Variants in PPP3CC observed in about 807,000 individuals in gnomAD.
PPP3CC encodes the protein protein phosphatase 3 catalytic subunit gamma.
In PPP3CC, 35 loss-of-function variants were observed where a neutral mutation model predicts 60.3. The ratio of observed to expected loss-of-function variants is 0.58; its 90% CI spans 0.44 to 0.77. PPP3CC has a LOEUF of 0.77. Among genes scored for constraint, PPP3CC ranks in the 30% least tolerant of loss-of-function variants. PPP3CC has a pLI of 0.00. For synonymous variants in PPP3CC, 206 were observed against 224.3 expected (o/e 0.92, Z 0.73); for missense variants, 570 against 628.9 (o/e 0.91, Z 1.00).
In PPP3CC at chr8:22,539,454, C is replaced by G; in HGVS notation, c.1322-15C>G. The G allele has an allele frequency of 6.2e-7, 1 of 1,613,886 alleles. No homozygotes were observed. The highest frequency in any genetic ancestry group is 8.5e-7 in the Non-Finnish European group (1 of 1,179,948). On this transcript the variant is annotated splice_polypyrimidine_tract_variant and intron_variant, in intron 12 of 13. Coordinates refer to ENST00000240139, the MANE Select transcript of PPP3CC (RefSeq NM_005605.5). ...GTCTTCGTTTTTGCATGCTACTGCT[C>G]CTGCCCTCTTACAGCCACAGTAGAA...
chr8:22,517,195 T>C lies in PPP3CC; in HGVS notation c.770+3763T>C, dbSNP rs147669610. 3.2e-3 allele frequency among the ~76,000 whole-genome samples: 487 copies of C among 152,382 alleles called. 3 individuals carry two copies. The highest frequency in any genetic ancestry group is 0.011 in the African/African-American group (463 of 41,594). On this transcript the variant is annotated intron_variant, in intron 6 of 13. Coordinates refer to ENST00000240139, the MANE Select transcript of PPP3CC (RefSeq NM_005605.5). ...AGGCTGAACAAAGTGATACTCTGCC[T>C]TCTTTTATCCCAGGGATAAATCCCA...
intron 4 of PPP3CC, among the ~76,000 whole-genome samples, chr8:22,504,307 T>G (rs1838848231): frequency 6.6e-6 from 1 of 152,132 alleles, no homozygotes; most frequent in Admixed American, 6.6e-5. Context: ...TTAAACAAAA[T>G]TTATTTTTTT....
intron 1 of PPP3CC, among the ~76,000 whole-genome samples, chr8:22,469,177 T>C (rs111498096): frequency 1.5e-3 from 221 of 152,276 alleles, no homozygotes; most frequent in Non-Finnish European, 2.6e-3. Flanking sequence ...CAAAATAATG[T>C]CACTTACAGC....
rs1055472853 is a variant in PPP3CC at position 22,441,168 on chromosome 8, C to T, written c.-242C>T. ...GCGGTCGGTGCCGAAGCGGTGTTCC[C>T]CGCCTTAGCCGCTGGCGCCTCCCAA... On this transcript the variant is annotated 5_prime_UTR_variant, in exon 1 of 14. Transcript: ENST00000240139. 1 of 390,416 alleles carries T rather than the reference C, an allele frequency of 2.6e-6. No homozygotes were observed. The highest frequency in any genetic ancestry group is 4.6e-6 in the Non-Finnish European group (1 of 219,712). The allele number at this position is 390,416 out of a possible 1,614,324, so 24.2% of individuals were successfully genotyped here.
chr8:22,485,320 A>G (rs1238337946), intron 3 of PPP3CC, among the ~76,000 whole-genome samples: 1 of 152,202 alleles, frequency 6.6e-6, no homozygotes, highest in Admixed American at 6.5e-5. Flanking sequence ...ACTGAAAGAA[A>G]AAAGAGAGAT....
chr8:22,489,617 A>G (rs1838321358), intron 3 of PPP3CC, among the ~76,000 whole-genome samples: 1 of 142,044 alleles, frequency 7.0e-6, no homozygotes, highest in Admixed American at 7.5e-5. Flanking sequence ...ATAATATATA[A>G]TATATAATAA....
intron 6 of PPP3CC, among the ~76,000 whole-genome samples, chr8:22,515,715 A>T (rs1276736205): frequency 6.6e-6 from 1 of 152,136 alleles, no homozygotes; most frequent in East Asian, 1.9e-4. Context: ...TTCTCTGATG[A>T]TCGGTGATAT....
At chr8:22,488,752 T>C (rs1461267857) in intron 3 of PPP3CC, among the ~76,000 whole-genome samples, 1 of 152,202 alleles carries the variant, frequency 6.6e-6, no homozygotes, top group Non-Finnish European at 1.5e-5. Flanking sequence ...GGCAGGTTCT[T>C]TTGAAGAGGC....
At chr8:22,490,411 A>G (rs1210752676) in intron 3 of PPP3CC, among the ~76,000 whole-genome samples, 2 of 152,054 alleles carry the variant, frequency 1.3e-5, no homozygotes, top group East Asian at 1.9e-4. Flanking sequence ...TTGTAGTGCT[A>G]TTTATACTGT....
intron 4 of PPP3CC, among the ~76,000 whole-genome samples, chr8:22,510,506 C>G (rs1839055599): frequency 6.6e-6 from 1 of 152,248 alleles, no homozygotes; most frequent in Admixed American, 6.5e-5. Context: ...ACCATGGACC[C>G]TAGTTGTCAT....
chr8:22,499,293 G>A (rs867905312), intron 4 of PPP3CC, among the ~76,000 whole-genome samples: 8 of 150,694 alleles, frequency 5.3e-5, no homozygotes, highest in African/African-American at 2.0e-4. Flanking sequence ...CAAAAAATTA[G>A]CCGGGCGCGG....
At chr8:22,492,389 TA>T (rs1472529821) in intron 3 of PPP3CC, among the ~76,000 whole-genome samples, 1 of 152,250 alleles carries the variant, frequency 6.6e-6, no homozygotes, top group East Asian at 1.9e-4. Context: ...AGATGCTTTA[TA>T]AACACTGTAC....
chr8:22,478,854 A>G (rs1837977625), intron 3 of PPP3CC, among the ~76,000 whole-genome samples: 1 of 152,204 alleles, frequency 6.6e-6, no homozygotes, highest in African/African-American at 2.4e-5. Flanking sequence ...CATAGTTAAT[A>G]TTTGTTGAAT....
rs1303219904 is a variant in PPP3CC, at chr8:22,532,634, T to C, written c.1224-287T>C. ...AGTTTCCTTGCCTGTAAAGTAATAATAGGCCCTAGCGCACAGGTTGTTAGG... is the reference window on the plus strand; with the variant it reads ...AGTTTCCTTGCCTGTAAAGTAATAACAGGCCCTAGCGCACAGGTTGTTAGG... On this transcript the variant is annotated intron_variant, in intron 11 of 13. Transcript: ENST00000240139. Among the ~76,000 whole-genome samples, 4 of 152,162 alleles carry C rather than the reference T, an allele frequency of 2.6e-5. No homozygotes were observed. The East Asian group carries it at 5.8e-4, about 22-fold the overall frequency.
intron 6 of PPP3CC, among the ~76,000 whole-genome samples, chr8:22,514,248 C>CAAAAAAAAAAAAA (rs66505760): frequency 1.1e-5 from 1 of 89,492 alleles, no homozygotes; most frequent in Non-Finnish European, 2.2e-5. Context: ...ACTCTGTCTC[C>CAAAAAAAAAAAAA]AAAAAAAAAA....
intron 12 of PPP3CC, among the ~76,000 whole-genome samples, chr8:22,535,988 T>C (rs994832203): frequency 6.6e-6 from 1 of 152,226 alleles, no homozygotes; most frequent in African/African-American, 2.4e-5. Flanking sequence ...CGCCTCAGCC[T>C]CCCAAAGTGC....
At chr8:22,494,286 G>C (rs1236164544) in intron 3 of PPP3CC, among the ~76,000 whole-genome samples, 1 of 152,132 alleles carries the variant, frequency 6.6e-6, no homozygotes, top group Non-Finnish European at 1.5e-5. Context: ...TTACATGGCG[G>C]TGGCAAGAAT....
At chr8:22,521,597 G>T (rs556767774) in intron 6 of PPP3CC, among the ~76,000 whole-genome samples, 1 of 152,284 alleles carries the variant, frequency 6.6e-6, no homozygotes, top group East Asian at 1.9e-4. Context: ...TCTGTAGGAG[G>T]ACCAGGGCTG....
chr8:22,448,372 C>CTTTTTTT (rs1383454743), intron 1 of PPP3CC, among the ~76,000 whole-genome samples: 2 of 144,788 alleles, frequency 1.4e-5, no homozygotes, highest in African/African-American at 5.3e-5. Context: ...GGTATTATAC[C>CTTTTTTT]TTTTTTTTGT....
Sources: allele counts gnomAD v4.1 joint callset (sites outside exome capture counted in the v4.1 genomes callset), GRCh38; gene constraint gnomAD v4.1.1; transcripts MANE v1.5; gene names NCBI Gene and HGNC (gene_info 2026-07-23, HGNC 2026-07-21).